The following IL20RA variants were observed in gnomAD, a reference collection of about 807,000 sequenced individuals.
IL20RA encodes interleukin 20 receptor subunit alpha.
IL20RA carries 29 observed loss-of-function variants against 36.5 expected under a neutral mutation model. That is an observed-to-expected ratio of 0.79 (90% confidence interval 0.59 to 1.08). IL20RA has a LOEUF of 1.08. Ranked by LOEUF, IL20RA falls within the 50% of genes least tolerant of loss-of-function variation. The pLI is 0.00. For missense variants in IL20RA, 652 were observed against 668.4 expected (o/e 0.98, Z 0.27); for synonymous variants, 279 against 267.1 (o/e 1.04, Z -0.43).
At position 137,000,134 on chromosome 6, in the gene IL20RA, C is replaced by G. The variant is rs539947454; in HGVS notation, c.*1424G>C. 1 of 152,136 alleles carries G rather than the reference C, an allele frequency of 6.6e-6. No homozygotes were observed. The highest frequency in any genetic ancestry group is 1.9e-4 in the East Asian group (1 of 5,204). The allele number at this position is 152,136 out of a possible 1,614,324, so 9.4% of individuals were successfully genotyped here. A position where few individuals can be genotyped will look rare whatever the true frequency, so the allele number is the denominator to read the frequency against. On this transcript the variant is annotated 3_prime_UTR_variant, in exon 7 of 7. Transcript: ENST00000316649. ...GAACACTCTGATTAATATAATTACT[C>G]CCTAAATTAAACCATTAGATCTGAA...
intron 1 of IL20RA, among the ~76,000 whole-genome samples, chr6:137,020,777 G>T (rs542874110): frequency 3.9e-5 from 6 of 152,098 alleles, no homozygotes; most frequent in Admixed American, 6.5e-5. Context: ...ACTTAAAAAT[G>T]AATGTTATAT....
chr6:137,024,812 G>A (rs1430894971), intron 1 of IL20RA, among the ~76,000 whole-genome samples: 2 of 152,208 alleles, frequency 1.3e-5, no homozygotes, highest in Non-Finnish European at 2.9e-5. Flanking sequence ...TGTAGGGTGT[G>A]TGTGGTCTCC....
intron 1 of IL20RA, among the ~76,000 whole-genome samples, chr6:137,036,221 C>T (rs1253063523): frequency 6.6e-6 from 1 of 152,200 alleles, no homozygotes; most frequent in African/African-American, 2.4e-5. Context: ...AGAGGAGGAA[C>T]CACTGCATGT....
intron 5 of IL20RA, among the ~76,000 whole-genome samples, chr6:137,005,557 T>C (rs1775249640): frequency 6.6e-6 from 1 of 152,186 alleles, no homozygotes; most frequent in African/African-American, 2.4e-5. Flanking sequence ...ACTTGGAAGT[T>C]GTGATGGTAC....
In IL20RA at chr6:137,001,123, C is replaced by T. The variant is rs1370019988; in HGVS notation, c.*435G>A. ...AGTATCTCCTCCTGCTCGCAATAAA[C>T]CCAATTCTGAAAAAGTGGTATTTAT... is the stretch of plus-strand genomic sequence containing the variant. On this transcript the variant is annotated 3_prime_UTR_variant, in exon 7 of 7. Coordinates refer to ENST00000316649, the MANE Select transcript of IL20RA (RefSeq NM_014432.4). The T allele has an allele frequency of 1.3e-5, 2 of 153,532 alleles. No individual in the cohort carries two copies. The highest frequency in any genetic ancestry group is 6.5e-5 in the Admixed American group (1 of 15,384). 9.5% of individuals were successfully genotyped at this position (153,532 alleles called of 1,614,324 possible).
intron 6 of IL20RA, among the ~76,000 whole-genome samples, chr6:137,003,597 C>A (rs561974921): frequency 5.3e-5 from 8 of 152,282 alleles, no homozygotes; most frequent in Non-Finnish European, 8.8e-5. Context: ...AGTCTTACTC[C>A]GCTCTAAGTT....
In IL20RA at chr6:137,011,422, T is replaced by C. The variant is rs1452371805; in HGVS notation, c.255A>G (p.Ser85=). ...AGGTTCTATTGATATTTCTGCATTC[T>C]GATTTATTCAGCCATTTCTTTTGCC... ...IYGQKKWLNK[S]ECRNINRTYC... is the part of the protein sequence containing the mutation. Residue 85 remains serine (S), a synonymous_variant, in exon 3 of 7, where the codon TCA becomes TCG. Transcript: ENST00000316649. 2 of 1,613,446 alleles carry C rather than the reference T, an allele frequency of 1.2e-6. No homozygotes were observed. The highest frequency in any genetic ancestry group is 3.3e-5 in the Admixed American group (2 of 59,974).
intron 1 of IL20RA, chr6:137,044,220 C>G: frequency 1.0e-6 from 1 of 988,562 alleles, no homozygotes; most frequent in Non-Finnish European, 1.2e-6. Context: ...CGAGACGCGG[C>G]ATCCACAGGG....
intron 5 of IL20RA, among the ~76,000 whole-genome samples, chr6:137,005,490 T>C (rs1292282174): frequency 6.6e-6 from 1 of 152,210 alleles, no homozygotes; most frequent in Admixed American, 6.5e-5. Context: ...TCAGGCCATA[T>C]AGCTGATGAC....
At chr6:137,011,895 A>C (rs535116626) in intron 2 of IL20RA, among the ~76,000 whole-genome samples, 1 of 152,318 alleles carries the variant, frequency 6.6e-6, no homozygotes, top group East Asian at 1.9e-4. Flanking sequence ...ATAGCATATA[A>C]AAATCTAAGT....
At position 137,002,082 on chromosome 6, in the gene IL20RA, T is replaced by A. The variant is rs773827711; in HGVS notation, c.1138A>T (p.Thr380Ser). 4 of 1,614,192 alleles carry A rather than the reference T, an allele frequency of 2.5e-6. No homozygotes were observed. Among genetic ancestry groups the A allele is most frequent in the Admixed American group, 1.7e-5 (1 of 60,030 alleles). ...FCDSEENTEG[T>S]SLTQQESLSR... is the part of the protein sequence containing the mutation. ...AGGGACTCTTGCTGGGTGAGAGAAGTACCTTCCGTGTTTTCTTCAGAGTCA... is the reference window on the plus strand; with the variant it reads ...AGGGACTCTTGCTGGGTGAGAGAAGAACCTTCCGTGTTTTCTTCAGAGTCA... Residue 380 changes from threonine to serine, a missense_variant, in exon 7 of 7, where the codon ACT becomes TCT. Transcript: ENST00000316649.
At chr6:137,025,532 C>G (rs1034042202) in intron 1 of IL20RA, among the ~76,000 whole-genome samples, 1 of 152,236 alleles carries the variant, frequency 6.6e-6, no homozygotes, top group Non-Finnish European at 1.5e-5. Flanking sequence ...GGAAATTCTT[C>G]TAGCCCAGCT....
Position 137,017,000 on chromosome 6 carries a change from T to C in IL20RA, c.192A>G (p.Gly64=). The C allele has an allele frequency of 6.2e-7, 1 of 1,613,654 alleles. No individual in the cohort carries two copies. Among genetic ancestry groups the C allele is most frequent in the South Asian group, 1.1e-5 (1 of 91,058 alleles). Residue 64 remains glycine (G), a synonymous_variant, in exon 2 of 7, where the codon GGA becomes GGG. Transcript: ENST00000316649. Reference sequence around the variant, plus strand: ...ACTGCACAGTGTAAGTAACTTTAACTCCTTGAAGACCCTCTGGTGGAGTCC... The same window carrying C: ...ACTGCACAGTGTAAGTAACTTTAACCCCTTGAAGACCCTCTGGTGGAGTCC... ...LQWTPPEGLQ[G]VKVTYTVQYF... is the part of the protein sequence containing the mutation.
intron 2 of IL20RA, among the ~76,000 whole-genome samples, 164 bp downstream of exon 2, chr6:137,016,804 T>C (rs958226761): frequency 2.4e-4 from 37 of 152,266 alleles, no homozygotes; most frequent in African/African-American, 8.7e-4. Context: ...GAAACTGTTT[T>C]CTAATTTAAT....
Position 137,008,635 on chromosome 6 carries a change from G to T in IL20RA, c.688C>A (p.Gln230Lys). The T allele has an allele frequency of 6.2e-6, 10 of 1,606,368 alleles. No individual in the cohort carries two copies. Among genetic ancestry groups the T allele is most frequent in the Non-Finnish European group, 8.5e-6 (10 of 1,176,480 alleles). ...SFVPGPPRRA[Q>K]PSEKQCARTL... ...CTGGCACACTGCTTCTCAGAAGGCT[G>T]AGCACGGCGAGGGGGCCCTGGGACG... Residue 230 changes from glutamine (Q) to lysine (K), a missense_variant, in exon 5 of 7, where the codon CAG (glutamine) becomes AAG (lysine). Gln to Lys is a moderately conservative substitution (Grantham distance 53). Coordinates refer to ENST00000316649, the MANE Select transcript of IL20RA (RefSeq NM_014432.4).
intron 1 of IL20RA, among the ~76,000 whole-genome samples, chr6:137,042,585 G>A (rs927516755): frequency 1.3e-5 from 2 of 152,164 alleles, no homozygotes; most frequent in Admixed American, 6.5e-5. Flanking sequence ...CTGCCTTGAG[G>A]GAGCCGCATA....
At chr6:137,007,519 T>C (rs1385767825) in intron 5 of IL20RA, among the ~76,000 whole-genome samples, 1 of 152,162 alleles carries the variant, frequency 6.6e-6, no homozygotes, top group Non-Finnish European at 1.5e-5. Context: ...GGAGGAATAA[T>C]GGATGAAGAG....
chr6:137,031,915 G>A (rs1365353981), intron 1 of IL20RA, among the ~76,000 whole-genome samples: 3 of 151,362 alleles, frequency 2.0e-5, no homozygotes, highest in South Asian at 4.2e-4. Context: ...GTCGGTCGTG[G>A]CAGCGCACGT....
intron 1 of IL20RA, among the ~76,000 whole-genome samples, chr6:137,027,605 A>G (rs1158770926): frequency 6.6e-6 from 1 of 152,268 alleles, no homozygotes; most frequent in Non-Finnish European, 1.5e-5. Flanking sequence ...AAAATGGAAC[A>G]GTACTATCTG....
Sources: gnomAD v4.1 joint callset for allele counts (sites outside exome capture counted in the v4.1 genomes callset) on GRCh38, gnomAD v4.1.1 for gene constraint, MANE v1.5 for transcripts, NCBI Gene and HGNC (gene_info 2026-07-23, HGNC 2026-07-21) for gene names.